The following PCDHGB1 variants were observed in gnomAD, a reference collection of about 807,000 sequenced individuals.
PCDHGB1 encodes the protein protocadherin gamma-B1.
PCDHGB1 carries 34 observed loss-of-function variants against 56.6 expected under a neutral mutation model. The ratio of observed to expected loss-of-function variants is 0.60; its 90% CI spans 0.46 to 0.80. PCDHGB1 has a LOEUF of 0.80. Ranked by LOEUF, PCDHGB1 falls within the 30% of genes least tolerant of loss-of-function variation. The pLI is 0.00. For missense variants in PCDHGB1, 1,278 were observed against 1,204.6 expected, an observed-to-expected ratio of 1.06 and a Z score of -0.90; for synonymous variants, 561 against 505.9, an observed-to-expected ratio of 1.11 and a Z score of -1.46.
intron 1 of PCDHGB1, chr5:141,413,929 C>T (rs2095693828): frequency 6.2e-7 from 1 of 1,613,342 alleles, no homozygotes; most frequent in South Asian, 1.1e-5. Context: ...GCCAGAATAC[C>T]GAGTGAGTGT....
chr5:141,491,564 G>A lies in PCDHGB1; in HGVS notation c.2410-3243G>A, dbSNP rs2099721154. On this transcript the variant is annotated intron_variant, in intron 1 of 3. Coordinates refer to ENST00000523390, the MANE Select transcript of PCDHGB1 (RefSeq NM_018922.3). The surrounding 1 kb of genome is among the most constrained non-coding windows in gnomAD (Gnocchi z 6.9). Reference sequence around the variant, plus strand: ...ACAGACTCGCAGAGCCACTGCTACAGGACGTGCTTTTCACCGGCCTCGGAC... The same window carrying A: ...ACAGACTCGCAGAGCCACTGCTACAAGACGTGCTTTTCACCGGCCTCGGAC... The A allele has an allele frequency of 3.1e-6, 5 of 1,613,878 alleles. No individual in the cohort carries two copies. Among genetic ancestry groups the A allele is most frequent in the Non-Finnish European group, 8.5e-7 (1 of 1,180,042 alleles).
chr5:141,357,340 C>T (rs774673151), intron 1 of PCDHGB1: 1 of 1,614,134 alleles, frequency 6.2e-7, no homozygotes, highest in Admixed American at 1.7e-5. Flanking sequence ...GCTGCTAGCA[C>T]TCAAGCTGAG....
chr5:141,451,299 A>T (rs1016384424), intron 1 of PCDHGB1, among the ~76,000 whole-genome samples: 17 of 152,228 alleles, frequency 1.1e-4, no homozygotes, highest in African/African-American at 3.4e-4. Flanking sequence ...AAAGTCTTAC[A>T]AGGCAGCAAT....
intron 1 of PCDHGB1, chr5:141,365,114 C>T (rs1763745605): frequency 6.2e-7 from 1 of 1,613,902 alleles, no homozygotes; most frequent in African/African-American, 1.3e-5. Flanking sequence ...CACTCGGCTG[C>T]TCATGCTAAC....
At chr5:141,394,733 G>A (rs1353984219) in intron 1 of PCDHGB1, 1 of 1,613,324 alleles carries the variant, frequency 6.2e-7, no homozygotes, top group South Asian at 1.1e-5. Flanking sequence ...CGCTCAAGCA[G>A]AGCCTCGTGG....
In PCDHGB1 at chr5:141,511,131, C is replaced by T; in HGVS notation, c.2742C>T (p.Gly914=). ...GGGATGGCAAGGCCCCAGCAGGTGG[C>T]AATGGCAACAAGAAGAAGTCGGGCA... is the stretch of plus-strand genomic sequence containing the variant. ...GKRDGKAPAG[G]NGNKKKSGKK... is the part of the protein sequence containing the mutation. The change falls in exon 4 of 4, where the codon GGC becomes GGT. Residue 914 remains glycine (G), a synonymous_variant. Coordinates refer to ENST00000523390, the MANE Select transcript of PCDHGB1 (RefSeq NM_018922.3). 2 of 1,614,202 alleles carry T rather than the reference C, an allele frequency of 1.2e-6. No homozygotes were observed. Among genetic ancestry groups the T allele is most frequent in the Non-Finnish European group, 1.7e-6 (2 of 1,180,020 alleles).
chr5:141,463,886 C>T (rs1327677210), intron 1 of PCDHGB1, among the ~76,000 whole-genome samples: 3 of 152,118 alleles, frequency 2.0e-5, no homozygotes, highest in African/African-American at 4.8e-5. Flanking sequence ...AAAGTTTTCA[C>T]CTTGCTTTTT....
chr5:141,494,736 T>A, intron 1 of PCDHGB1, 71 bp from the exon 2 acceptor site: 2 of 1,611,858 alleles, frequency 1.2e-6, no homozygotes, highest in Non-Finnish European at 1.7e-6. Flanking sequence ...TCCCGGCCCA[T>A]CCCTAGGGGC....
chr5:141,393,917 C>T (rs1429211009), intron 1 of PCDHGB1: 12 of 1,613,806 alleles, frequency 7.4e-6, no homozygotes, highest in Non-Finnish European at 1.7e-6. Context: ...TAATTGCCTT[C>T]TTGAGTGTGC....
intron 1 of PCDHGB1, chr5:141,376,159 C>G: frequency 6.2e-7 from 1 of 1,614,084 alleles, no homozygotes; most frequent in Non-Finnish European, 8.5e-7. Context: ...TCACTCTGTA[C>G]CTGGTGGTGG....
intron 1 of PCDHGB1, chr5:141,400,300 C>T: frequency 6.2e-7 from 1 of 1,614,084 alleles, no homozygotes; most frequent in Non-Finnish European, 8.5e-7. Context: ...CTGCTTCCAA[C>T]CTGGTCTCTG....
At chr5:141,366,829 T>A in intron 1 of PCDHGB1, 1 of 1,527,578 alleles carries the variant, frequency 6.5e-7, no homozygotes, top group Non-Finnish European at 8.8e-7. Flanking sequence ...ATATTCAGAA[T>A]CAGCTAGTTA....
rs1212381177 is a variant in PCDHGB1 at position 141,438,571 on chromosome 5, TATACATAC to T, written c.2410-56220_2410-56213del. On this transcript the variant is annotated intron_variant, in intron 1 of 3. Coordinates refer to ENST00000523390, the MANE Select transcript of PCDHGB1 (RefSeq NM_018922.3). Reference sequence around the variant, plus strand: ...GCCCTAATAAGAGGCAGCTGTCTGATATACATACATACATACATACATATATATATATA... The same window carrying T: ...GCCCTAATAAGAGGCAGCTGTCTGATATACATACATACATATATATATATA... Among the ~76,000 whole-genome samples the T allele has an allele frequency of 2.8e-4, 26 of 94,536 alleles. 1 individual carries two copies. Among genetic ancestry groups the T allele is most frequent in the South Asian group, 1.0e-3 (3 of 2,950 alleles). 62.0% of individuals were successfully genotyped at this position (94,536 alleles called of 152,430 possible). A position where few individuals can be genotyped will look rare whatever the true frequency, so the allele number is the denominator to read the frequency against.
intron 1 of PCDHGB1, chr5:141,421,579 T>G (rs753573473): frequency 1.9e-6 from 3 of 1,613,816 alleles, no homozygotes; most frequent in Non-Finnish European, 2.5e-6. Context: ...CTTGAAGATT[T>G]ACGGAGTGGA....
At chr5:141,382,189 A>G (rs1588915821) in intron 1 of PCDHGB1, among the ~76,000 whole-genome samples, 1 of 152,174 alleles carries the variant, frequency 6.6e-6, no homozygotes, top group African/African-American at 2.4e-5. Flanking sequence ...GGTTCTATAC[A>G]ATCAAAAATT....
chr5:141,490,004 C>A lies in PCDHGB1; in HGVS notation c.2410-4803C>A. The A allele has an allele frequency of 6.2e-7, 1 of 1,614,174 alleles. No homozygotes were observed. The highest frequency in any genetic ancestry group is 1.7e-5 in the Admixed American group (1 of 60,034). On this transcript the variant is annotated intron_variant, in intron 1 of 3. Transcript: ENST00000523390. The surrounding 1 kb of genome is among the most constrained non-coding windows in gnomAD (Gnocchi z 5.4). ...CTACGTGTGGGAATCCCAGAGAATGCACCCATTGGTACTCTGCTGCTCCGC... is the reference window on the plus strand; with the variant it reads ...CTACGTGTGGGAATCCCAGAGAATGAACCCATTGGTACTCTGCTGCTCCGC...
At chr5:141,404,865 T>C (rs1308625182) in intron 1 of PCDHGB1, 12 of 1,613,552 alleles carry the variant, frequency 7.4e-6, no homozygotes, top group Non-Finnish European at 1.0e-5. Flanking sequence ...AGAGATGCGC[T>C]CAAACAGAGC....
chr5:141,376,170 C>T (rs1415388106), intron 1 of PCDHGB1: 2 of 1,614,112 alleles, frequency 1.2e-6, no homozygotes, highest in South Asian at 1.1e-5. Flanking sequence ...CTGGTGGTGG[C>T]GGTGGCCGCG....
intron 1 of PCDHGB1, chr5:141,374,459 A>C: frequency 1.9e-6 from 3 of 1,613,448 alleles, no homozygotes; most frequent in Non-Finnish European, 1.7e-6. Flanking sequence ...AATAGTGGAC[A>C]TTAATGACAA....
Sources: gnomAD v4.1 joint callset for allele counts (sites outside exome capture counted in the v4.1 genomes callset) on GRCh38, gnomAD v4.1.1 for gene constraint, Gnocchi (gnomAD v3.1) non-coding constraint, MANE v1.5 for transcripts, NCBI Gene and HGNC (gene_info 2026-07-23, HGNC 2026-07-21) for gene names.